The following GHR variants were observed in gnomAD, a reference collection of about 807,000 sequenced individuals.
GHR encodes the protein GH receptor.
GHR carries 35 observed loss-of-function variants against 67.1 expected under a neutral mutation model. The ratio of observed to expected loss-of-function variants is 0.52; its 90% CI spans 0.40 to 0.69. The LOEUF is 0.69. Ranked by LOEUF, GHR falls within the 30% of genes least tolerant of loss-of-function variation. The probability of loss-of-function intolerance (pLI) is 0.00; values close to 1 mark genes in which losing one functional copy is unlikely to be tolerated. For synonymous variants in GHR, 272 were observed against 269.1 expected (o/e 1.01, Z -0.10); for missense variants, 792 against 764.6 (o/e 1.04, Z -0.42).
intron 1 of GHR, among the ~76,000 whole-genome samples, chr5:42,448,743 C>T (rs183852146): frequency 2.6e-5 from 4 of 151,890 alleles, no homozygotes; most frequent in African/African-American, 9.7e-5. Context: ...TTGATGTTAT[C>T]TTCTAGAATT....
chr5:42,456,666 A>G (rs1579731735), intron 1 of GHR, among the ~76,000 whole-genome samples: 1 of 152,348 alleles, frequency 6.6e-6, no homozygotes, highest in African/African-American at 2.4e-5. Context: ...TCTTGAAGGC[A>G]TTGTCATTTG....
At chr5:42,522,422 T>G (rs1747517207) in intron 1 of GHR, among the ~76,000 whole-genome samples, 1 of 152,198 alleles carries the variant, frequency 6.6e-6, no homozygotes, top group South Asian at 2.1e-4. Flanking sequence ...AAATACAGAT[T>G]AATTCAGTTT....
intron 1 of GHR, chr5:42,465,616 T>C: frequency 9.5e-7 from 1 of 1,057,532 alleles, no homozygotes; most frequent in Non-Finnish European, 1.5e-6. Flanking sequence ...TGGGGGACTC[T>C]GTTAATTCAT....
At chr5:42,614,304 G>T (rs1057165702) in intron 2 of GHR, among the ~76,000 whole-genome samples, 1 of 151,744 alleles carries the variant, frequency 6.6e-6, no homozygotes, top group Non-Finnish European at 1.5e-5. Context: ...TTTTTTCAGG[G>T]TCCTTGAGAA....
intron 2 of GHR, among the ~76,000 whole-genome samples, chr5:42,593,983 A>G (rs1751932784): frequency 6.6e-6 from 1 of 152,228 alleles, no homozygotes; most frequent in South Asian, 2.1e-4. Flanking sequence ...AGCCATCCTT[A>G]GAATATTAAA....
At chr5:42,560,597 T>G (rs1749553494) in intron 1 of GHR, among the ~76,000 whole-genome samples, 1 of 152,150 alleles carries the variant, frequency 6.6e-6, no homozygotes, top group African/African-American at 2.4e-5. Flanking sequence ...TCTATTTAGC[T>G]CTCTCTCACC....
chr5:42,443,116 TG>T (rs1244670728), intron 1 of GHR, among the ~76,000 whole-genome samples: 1 of 152,192 alleles, frequency 6.6e-6, no homozygotes, highest in Non-Finnish European at 1.5e-5. Context: ...GATTTGAATG[TG>T]GGGCTTGAGT....
chr5:42,663,887 T>C (rs1419273920), intron 3 of GHR, among the ~76,000 whole-genome samples: 1 of 152,168 alleles, frequency 6.6e-6, no homozygotes. Context: ...GATAAACAAC[T>C]TCAGCAAAGT....
intron 1 of GHR, among the ~76,000 whole-genome samples, chr5:42,503,472 T>A (rs1746627157): frequency 6.6e-6 from 1 of 152,250 alleles, no homozygotes; most frequent in Non-Finnish European, 1.5e-5. Context: ...ACCTAAACCG[T>A]GGTCAACTAT....
chr5:42,677,927 T>C (rs1379175520), intron 3 of GHR, among the ~76,000 whole-genome samples: 7 of 152,160 alleles, frequency 4.6e-5, no homozygotes, highest in Non-Finnish European at 1.0e-4. Context: ...AAATTAGCAA[T>C]GTTCATCATT....
chr5:42,460,985 A>T (rs1579739991), intron 1 of GHR, among the ~76,000 whole-genome samples: 1 of 152,328 alleles, frequency 6.6e-6, no homozygotes, highest in Non-Finnish European at 1.5e-5. Context: ...GCTGCCCAAC[A>T]TCCCACCATT....
intron 3 of GHR, among the ~76,000 whole-genome samples, chr5:42,672,171 G>T (rs1259930532): frequency 6.6e-6 from 1 of 151,936 alleles, no homozygotes; most frequent in Non-Finnish European, 1.5e-5. Flanking sequence ...AGAAATAAAA[G>T]ACATCAAAAT....
chr5:42,430,607 CGTGTGTGTGTGT>C (rs141602161), intron 1 of GHR, among the ~76,000 whole-genome samples: 9 of 147,408 alleles, frequency 6.1e-5, no homozygotes, highest in African/African-American at 2.3e-4. Context: ...ATGCTAGTCC[CGTGTGTGTGTGT>C]GTGTGTGTGT....
chr5:42,688,861 A>G (rs1478193916), intron 3 of GHR, 29 bp from the exon 4 acceptor site: 2 of 1,610,794 alleles, frequency 1.2e-6, no homozygotes, highest in South Asian at 1.1e-5. Context: ...ACCTGATTTC[A>G]TGCCTTGCCT....
chr5:42,532,684 A>G (rs1290203195), intron 1 of GHR, among the ~76,000 whole-genome samples: 1 of 152,176 alleles, frequency 6.6e-6, no homozygotes, highest in Non-Finnish European at 1.5e-5. Flanking sequence ...TACATGTTTT[A>G]CTGTAAGTGT....
At chr5:42,685,859 A>G (rs6871142) in intron 3 of GHR, among the ~76,000 whole-genome samples, 1,865 of 152,218 alleles carry the variant, frequency 0.012, 37 homozygotes, top group African/African-American at 0.042. Flanking sequence ...TCAGATGGGC[A>G]GATTGCAAAA....
intron 1 of GHR, chr5:42,468,262 T>G: frequency 1.3e-6 from 2 of 1,554,024 alleles, no homozygotes; most frequent in South Asian, 2.2e-5. Flanking sequence ...CTCCTCCTCC[T>G]TTTTCACCTT....
At chr5:42,471,104 T>G (rs1045102192) in intron 1 of GHR, among the ~76,000 whole-genome samples, 1 of 152,228 alleles carries the variant, frequency 6.6e-6, no homozygotes, top group Non-Finnish European at 1.5e-5. Context: ...GGGCCAGCAC[T>G]AAGCTGGAAT....
At chr5:42,534,342 ATATG>A (rs1173885731) in intron 1 of GHR, among the ~76,000 whole-genome samples, 1 of 138,960 alleles carries the variant, frequency 7.2e-6, no homozygotes, top group African/African-American at 2.7e-5. Flanking sequence ...ATATGTGTAT[ATATG>A]TATGTATATA....
Sources: allele counts gnomAD v4.1 joint callset (sites outside exome capture counted in the v4.1 genomes callset), GRCh38; gene constraint gnomAD v4.1.1; transcripts MANE v1.5; gene names NCBI Gene and HGNC (gene_info 2026-07-23, HGNC 2026-07-21).